The following IL17RE variants were observed in gnomAD, a reference collection of about 807,000 sequenced individuals.
The protein encoded by IL17RE is interleukin 17 receptor E, also known as interleukin-17 receptor E.
Under a neutral mutation model 70.7 loss-of-function variants are expected in IL17RE, and 47 were observed. The observed-to-expected ratio is 0.67, with a 90% CI of 0.53 to 0.85. IL17RE has a LOEUF of 0.85. Ranked by LOEUF, IL17RE falls within the 40% of genes least tolerant of loss-of-function variation. The pLI, the probability that IL17RE is intolerant of heterozygous loss-of-function variation, is 0.00. For synonymous variants in IL17RE, 372 were observed against 381.2 expected (o/e 0.98, Z 0.28); for missense variants, 850 against 893.9 (o/e 0.95, Z 0.63).
In IL17RE at chr3:9,903,046, T is replaced by A; in HGVS notation, c.114T>A (p.Cys38Ter). 1 of 1,614,136 alleles carries A rather than the reference T, an allele frequency of 6.2e-7. No homozygotes were observed. The highest frequency in any genetic ancestry group is 8.5e-7 in the Non-Finnish European group (1 of 1,179,982). ...FRHLPHWNTRCPLASHTDDSF... is the reference protein window; with the variant it reads ...FRHLPHWNTR ...ACCTGCCCCACTGGAACACCCGCTG[T>A]CCTCTGGCCTCCCACACGGTAAGGT... is the stretch of plus-strand genomic sequence containing the variant. Residue 38 changes from cysteine (C) to a stop codon, truncating the protein, a stop_gained, in exon 1 of 16, where the codon TGT becomes TGA. Coordinates refer to ENST00000383814, the MANE Select transcript of IL17RE (RefSeq NM_153480.2). LOFTEE classifies it high-confidence loss of function.
At chr3:9,914,433 G>C (rs750137283) in intron 13 of IL17RE, 115 bp from the exon 14 acceptor site, 201 of 1,536,348 alleles carry the variant, frequency 1.3e-4, no homozygotes, top group Non-Finnish European at 1.5e-4. Context: ...AAACCCACCT[G>C]GGAAGAATTC....
rs747578696 is a variant in IL17RE, at chr3:9,908,312, G to A, written c.735+5G>A. The A allele has an allele frequency of 1.1e-5, 17 of 1,613,574 alleles. No individual in the cohort carries two copies. The Admixed American group carries it at 1.7e-4, about 16-fold the overall frequency. ...CTGCCCTGTCTGTGCATAGAGGTGA[G>A]CAAAGGAAAAGGTGTGGGCTGTCCA... On this transcript the variant is annotated splice_donor_5th_base_variant and intron_variant, in intron 7 of 15. Transcript: ENST00000383814.
chr3:9,904,189 A>G, intron 3 of IL17RE, 38 bp downstream of exon 3: 1 of 1,608,616 alleles, frequency 6.2e-7, no homozygotes, highest in East Asian at 2.2e-5. Flanking sequence ...CTCAGTGAAG[A>G]GAACATTTTG....
chr3:9,915,433 G>A lies in IL17RE; in HGVS notation c.1630G>A (p.Ala544Thr), dbSNP rs766484554. 1 of 1,355,398 alleles carries A rather than the reference G, an allele frequency of 7.4e-7. No individual in the cohort carries two copies. Among genetic ancestry groups the A allele is most frequent in the Non-Finnish European group, 9.4e-7 (1 of 1,062,626 alleles). 84.0% of individuals were successfully genotyped at this position (1,355,398 alleles called of 1,614,324 possible). ...RVGPLPWLWA[A>T]RTRVAREQGT... ...GGGCCCGCTGCCGTGGCTCTGGGCG[G>A]CGCGGACGCGCGTAGCGCGGGAGCA... is the stretch of plus-strand genomic sequence containing the variant. Residue 544 changes from alanine (A) to threonine (T), a missense_variant, in exon 16 of 16, where the codon GCG becomes ACG. Transcript: ENST00000383814. This position sits in a 1 kb window ranked among gnomAD's most constrained non-coding sequence, Gnocchi z 4.9.
intron 1 of IL17RE, 70 bp from the exon 2 acceptor site, chr3:9,903,327 T>A: frequency 1.3e-6 from 2 of 1,547,000 alleles, no homozygotes; most frequent in South Asian, 2.2e-5. Context: ...ACCCCAGGAA[T>A]GTGCCTTATG....
Position 9,914,667 on chromosome 3 carries a change from T to G in IL17RE, c.1349-12T>G. ...TGAGGAACTGGGCTTGGCCTCATCCTGCTTGACTCAGTCTCTTACAGACAC... is the reference window on the plus strand; with the variant it reads ...TGAGGAACTGGGCTTGGCCTCATCCGGCTTGACTCAGTCTCTTACAGACAC... On this transcript the variant is annotated splice_polypyrimidine_tract_variant and intron_variant, in intron 14 of 15. Transcript: ENST00000383814. 1.2e-6 allele frequency: 2 copies of G among 1,614,000 alleles called. No individual in the cohort carries two copies. Among genetic ancestry groups the G allele is most frequent in the Non-Finnish European group, 8.5e-7 (1 of 1,179,858 alleles).
intron 1 of IL17RE, 90 bp from the exon 2 acceptor site, chr3:9,903,307 T>C (rs1359015823): frequency 6.8e-7 from 1 of 1,474,012 alleles, no homozygotes; most frequent in Non-Finnish European, 9.5e-7. Context: ...TTTGCTGATT[T>C]GAAGCAAAGA....
At chr3:9,907,756 CAGAG>C in intron 6 of IL17RE, among the ~76,000 whole-genome samples, 1 of 152,298 alleles carries the variant, frequency 6.6e-6, no homozygotes, top group East Asian at 1.9e-4. Flanking sequence ...TCCTGCCACT[CAGAG>C]AGTGATATGT....
intron 13 of IL17RE, 76 bp downstream of exon 13, chr3:9,914,100 C>T: frequency 8.4e-7 from 1 of 1,188,996 alleles, no homozygotes; most frequent in South Asian, 1.2e-5. Flanking sequence ...CCTGGAAAAT[C>T]CATTCTGCAA....
intron 12 of IL17RE, among the ~76,000 whole-genome samples, chr3:9,912,546 T>C (rs2082918000): frequency 6.6e-6 from 1 of 152,236 alleles, no homozygotes; most frequent in Non-Finnish European, 1.5e-5. Flanking sequence ...ATGTATCTGA[T>C]ATAAAAACCA....
At chr3:9,911,690 C>T (rs561846170) in intron 12 of IL17RE, 93 bp downstream of exon 12, 1 of 1,198,850 alleles carries the variant, frequency 8.3e-7, no homozygotes, top group African/African-American at 1.5e-5. Flanking sequence ...AAGGCAGAAA[C>T]AAACAAATCC....
At chr3:9,903,130 C>A in intron 1 of IL17RE, 66 bp downstream of exon 1, 1 of 1,397,280 alleles carries the variant, frequency 7.2e-7, no homozygotes, top group Non-Finnish European at 1.0e-6. Flanking sequence ...ACTCCCCTGC[C>A]TGCCCTGTGC....
In IL17RE at chr3:9,904,249, C is replaced by T. The variant is rs1033159369; in HGVS notation, c.268+98C>T. 3.6e-6 allele frequency: 5 copies of T among 1,392,918 alleles called. No individual in the cohort carries two copies. The African/African-American group carries it at 7.1e-5, about 20-fold the overall frequency. The allele number at this position is 1,392,918 out of a possible 1,614,324, so 86.3% of individuals were successfully genotyped here. A position where few individuals can be genotyped will look rare whatever the true frequency, so the allele number is the denominator to read the frequency against. On this transcript the variant is annotated intron_variant, in intron 3 of 15. Coordinates refer to ENST00000383814, the MANE Select transcript of IL17RE (RefSeq NM_153480.2). The stretch of plus-strand genomic sequence containing the variant: ...GGGACTTACTAGAACAGATATTTGT[C>T]TTGTTTTAACCTCAACTGGGACTTG...
intron 12 of IL17RE, 161 bp downstream of exon 12, chr3:9,911,758 T>TA: frequency 7.7e-6 from 5 of 646,266 alleles, no homozygotes; most frequent in African/African-American, 1.8e-5. Flanking sequence ...TCAGCTAACT[T>TA]GCTGACAGTA....
rs1559265132 is a variant in IL17RE at position 9,902,972 on chromosome 3, C to T, written c.40C>T (p.Leu14Phe). Residue 14 changes from leucine (L) to phenylalanine (F), a missense_variant, in exon 1 of 16, where the codon CTC becomes TTC. Physicochemically the swap from Leu to Phe is conservative, Grantham distance 22. Coordinates refer to ENST00000383814, the MANE Select transcript of IL17RE (RefSeq NM_153480.2). ...ACTGGCAGCCCTGCTCCTGCCTCTC[C>T]TCCTCATAGTCATCGACCTCTCTGA... ...SRLAALLLPLLLIVIDLSDSA... is the reference protein window; with the variant it reads ...SRLAALLLPLFLIVIDLSDSA... 2 of 1,614,116 alleles carry T rather than the reference C, an allele frequency of 1.2e-6. No homozygotes were observed. Among genetic ancestry groups the T allele is most frequent in the East Asian group, 2.2e-5 (1 of 44,900 alleles).
Position 9,906,484 on chromosome 3 carries a change from C to T in IL17RE, c.366+23C>T, listed in dbSNP as rs144460178. On this transcript the variant is annotated intron_variant, in intron 4 of 15. Transcript: ENST00000383814. ...CAGGTACTCTCCCTGTCAGTTCCAG[C>T]CCTACCTGACGCCCCACAGACCTTT... 2.7e-4 allele frequency: 423 copies of T among 1,539,276 alleles called. No homozygotes were observed. The African/African-American group carries it at 5.0e-3, about 18-fold the overall frequency.
chr3:9,915,807 A>G lies in IL17RE; in HGVS notation c.2004A>G (p.Ter668TrpextTer145), dbSNP rs1198409150. ...CCGCCCGACTTGCAGACCTAGGTTG[A>G]GCAGAGCTCCACCGCAGTCCCGGGT... is the stretch of plus-strand genomic sequence containing the variant. ...REAARLADLG[*>W] The change falls in exon 16 of 16, where the codon TGA becomes TGG. Residue 668 changes from the stop codon to tryptophan, a stop_lost. Transcript: ENST00000383814. This position sits in a 1 kb window ranked among gnomAD's most constrained non-coding sequence, Gnocchi z 4.9. 2 of 1,524,106 alleles carry G rather than the reference A, an allele frequency of 1.3e-6. No individual in the cohort carries two copies. Among genetic ancestry groups the G allele is most frequent in the Non-Finnish European group, 1.7e-6 (2 of 1,147,194 alleles). The allele number at this position is 1,524,106 out of a possible 1,614,324, so 94.4% of individuals were successfully genotyped here. A position where few individuals can be genotyped will look rare whatever the true frequency, so the allele number is the denominator to read the frequency against.
intron 8 of IL17RE, 71 bp downstream of exon 8, chr3:9,909,354 TACACAC>T (rs142612801): frequency 2.7e-5 from 30 of 1,104,498 alleles, no homozygotes; most frequent in Non-Finnish European, 3.6e-5. Flanking sequence ...CACACACATG[TACACAC>T]ACACACACAC....
At chr3:9,906,251 AAAAT>A (rs532583541) in intron 3 of IL17RE, 109 bp from the exon 4 acceptor site, 147 of 458,384 alleles carry the variant, frequency 3.2e-4, no homozygotes, top group Non-Finnish European at 4.0e-4. Flanking sequence ...ACTCCATATC[AAAAT>A]AAATAAATAA....
Sources: gnomAD v4.1 joint callset for allele counts (sites outside exome capture counted in the v4.1 genomes callset) on GRCh38, gnomAD v4.1.1 for gene constraint, Gnocchi (gnomAD v3.1) non-coding constraint, MANE v1.5 for transcripts, NCBI Gene and HGNC (gene_info 2026-07-23, HGNC 2026-07-21) for gene names.